NCKAP1: variants seen among roughly 807,000 people sequenced by gnomAD.
The protein encoded by NCKAP1 is nck-associated protein 1.
A neutral mutation model predicts 151.2 loss-of-function variants in NCKAP1; 21 were observed. The observed-to-expected ratio is 0.14, with a 90% CI of 0.10 to 0.20. NCKAP1 has a LOEUF of 0.20. NCKAP1 is among the 10% of genes least tolerant of loss of function. NCKAP1 has a pLI of 1.00. For synonymous variants in NCKAP1, 484 were observed against 451.8 expected, an observed-to-expected ratio of 1.07 and a Z score of -0.90; for missense variants, 933 against 1,352.1, an observed-to-expected ratio of 0.69 and a Z score of 4.86.
rs910543042 is a variant in NCKAP1 at position 182,910,333 on chromosome 2, A to T, written c.*15369T>A. 2 of 152,238 alleles carry T rather than the reference A, an allele frequency of 1.3e-5. No individual in the cohort carries two copies. The highest frequency in any genetic ancestry group is 4.8e-5 in the African/African-American group (2 of 41,446). The allele number at this position is 152,238 out of a possible 1,614,324, so 9.4% of individuals were successfully genotyped here. A position where few individuals can be genotyped will look rare whatever the true frequency, so the allele number is the denominator to read the frequency against. On this transcript the variant is annotated 3_prime_UTR_variant, in exon 31 of 31. Coordinates refer to ENST00000361354, the MANE Select transcript of NCKAP1 (RefSeq NM_013436.5). Reference sequence around the variant, plus strand: ...TTTCTGCATCCAGGCAAATGTACTAAAATTCTTTGAGAGATGAGAGGAAAT... The same window carrying T: ...TTTCTGCATCCAGGCAAATGTACTATAATTCTTTGAGAGATGAGAGGAAAT...
intron 23 of NCKAP1, among the ~76,000 whole-genome samples, chr2:182,944,573 A>C (rs1559075964): frequency 6.6e-6 from 1 of 152,226 alleles, no homozygotes; most frequent in Non-Finnish European, 1.5e-5. Context: ...TTTCACCATA[A>C]GTACACGTAC....
chr2:182,965,601 A>G (rs918004864), intron 16 of NCKAP1, among the ~76,000 whole-genome samples: 1 of 152,248 alleles, frequency 6.6e-6, no homozygotes, highest in Non-Finnish European at 1.5e-5. Context: ...CAGAAGTAGT[A>G]AACATTTCTT....
chr2:182,930,919 CAAAACTA>C (rs1461248981), intron 26 of NCKAP1, 131 bp from the exon 27 acceptor site: 3 of 684,212 alleles, frequency 4.4e-6, no homozygotes, highest in Non-Finnish European at 5.1e-6. Flanking sequence ...GAAACTACAG[CAAAACTA>C]AGTATACTGA....
chr2:182,937,976 T>G (rs1696914888), intron 24 of NCKAP1, among the ~76,000 whole-genome samples: 2 of 152,258 alleles, frequency 1.3e-5, no homozygotes, highest in African/African-American at 4.8e-5. Context: ...TGAAAATATT[T>G]AACACAATGT....
intron 20 of NCKAP1, among the ~76,000 whole-genome samples, chr2:182,953,577 G>A (rs756840628): frequency 2.0e-5 from 3 of 152,196 alleles, no homozygotes; most frequent in Non-Finnish European, 4.4e-5. Flanking sequence ...GAGGCGGGCA[G>A]ATGACTTGAA....
chr2:182,995,677 C>T, intron 7 of NCKAP1, 24 bp downstream of exon 7: 4 of 1,590,164 alleles, frequency 2.5e-6, no homozygotes, highest in Non-Finnish European at 3.4e-6. Context: ...TATTTTCATT[C>T]AAAAGAGAAA....
At chr2:183,028,491 TAC>T (rs988451207) in intron 1 of NCKAP1, among the ~76,000 whole-genome samples, 6 of 152,142 alleles carry the variant, frequency 3.9e-5, no homozygotes. Flanking sequence ...CAGATAAAAT[TAC>T]AGTGATGTTA....
At chr2:182,965,491 C>A (rs1476351930) in intron 16 of NCKAP1, among the ~76,000 whole-genome samples, 1 of 151,872 alleles carries the variant, frequency 6.6e-6, no homozygotes, top group East Asian at 1.9e-4. Flanking sequence ...ACCCAGCCTG[C>A]CAGCAGTTTT....
chr2:183,037,881 C>G (rs902449218), intron 1 of NCKAP1, 111 bp downstream of exon 1: 13 of 807,032 alleles, frequency 1.6e-5, no homozygotes, highest in Non-Finnish European at 2.3e-5. Flanking sequence ...GCGGCGACGC[C>G]GAGATTTCTA....
At chr2:182,964,863 T>C (rs1456574487) in intron 16 of NCKAP1, 55 bp from the exon 17 acceptor site, 2 of 1,374,830 alleles carry the variant, frequency 1.5e-6, no homozygotes, top group African/African-American at 1.5e-5. Context: ...AGTTTTCTGA[T>C]ATAGTACCTT....
intron 9 of NCKAP1, 37 bp from the exon 10 acceptor site, chr2:182,986,264 T>C: frequency 6.6e-7 from 1 of 1,521,894 alleles, no homozygotes; most frequent in South Asian, 1.1e-5. Context: ...TAGTTTAATT[T>C]GATCAATAAC....
Position 182,920,759 on chromosome 2 carries a change from C to A in NCKAP1, c.*4943G>T, listed in dbSNP as rs181390686. On this transcript the variant is annotated 3_prime_UTR_variant, in exon 31 of 31. Coordinates refer to ENST00000361354, the MANE Select transcript of NCKAP1 (RefSeq NM_013436.5). The stretch of plus-strand genomic sequence containing the variant: ...ACCTAATCACCTCCCAAAGGCCCCA[C>A]ATCCTGTCACACTGATGATCAGATT... 1 of 152,228 alleles carries A rather than the reference C, an allele frequency of 6.6e-6. No homozygotes were observed. Among genetic ancestry groups the A allele is most frequent in the East Asian group, 1.9e-4 (1 of 5,172 alleles). 9.4% of individuals were successfully genotyped at this position (152,228 alleles called of 1,614,324 possible).
intron 10 of NCKAP1, among the ~76,000 whole-genome samples, chr2:182,984,767 T>C (rs1698016284): frequency 6.6e-6 from 1 of 152,168 alleles, no homozygotes; most frequent in Admixed American, 6.5e-5. Context: ...ATTTTGATTA[T>C]TTTACTTCAC....
chr2:183,021,191 G>A (rs918050122), intron 2 of NCKAP1, among the ~76,000 whole-genome samples: 1 of 152,114 alleles, frequency 6.6e-6, no homozygotes, highest in Non-Finnish European at 1.5e-5. Flanking sequence ...TCACATAAAT[G>A]TTTATAGCAA....
At chr2:182,971,426 T>G (rs1028504699) in intron 15 of NCKAP1, among the ~76,000 whole-genome samples, 5 of 149,782 alleles carry the variant, frequency 3.3e-5, no homozygotes, top group Non-Finnish European at 1.5e-5. Context: ...AGATATCTCA[T>G]GTTCATGAAT....
rs774120836 is a variant in NCKAP1 at position 183,002,987 on chromosome 2, A to T, written c.356T>A (p.Val119Asp). The T allele has an allele frequency of 6.2e-7, 1 of 1,608,354 alleles. No individual in the cohort carries two copies. The highest frequency in any genetic ancestry group is 8.5e-7 in the Non-Finnish European group (1 of 1,176,202). The change falls in exon 4 of 31, where the codon GTC becomes GAC. Residue 119 changes from valine (V) to aspartate (D), a missense_variant. This residue lies in a region of NCKAP1 where 607 missense variants were observed against 795.0 expected (regional missense o/e 0.76). Coordinates refer to ENST00000361354, the MANE Select transcript of NCKAP1 (RefSeq NM_013436.5). ...AATGATACTTACAATATCAAAGAAG[A>T]CTTGGCAAACGTCAATAGTATTCAG... Reference protein sequence around the residue: ...ELLNTIDVCQVFFDITVNFDL... With the variant: ...ELLNTIDVCQDFFDITVNFDL...
At chr2:183,029,555 C>T (rs369776368) in intron 1 of NCKAP1, among the ~76,000 whole-genome samples, 2 of 151,900 alleles carry the variant, frequency 1.3e-5, no homozygotes, top group Admixed American at 1.3e-4. Context: ...TGCTCAGTAG[C>T]TCACACCTGC....
At chr2:182,977,078 A>G (rs1258321370) in intron 14 of NCKAP1, 127 bp from the exon 15 acceptor site, 8 of 523,562 alleles carry the variant, frequency 1.5e-5, no homozygotes. Context: ...ATTAAAGCCA[A>G]GGTCTTAAAG....
intron 1 of NCKAP1, among the ~76,000 whole-genome samples, chr2:183,026,296 A>T (rs1192119868): frequency 6.6e-6 from 1 of 152,064 alleles, no homozygotes; most frequent in Non-Finnish European, 1.5e-5. Flanking sequence ...CTTGTAGAGA[A>T]GTAAGCTCAG....
Sources: gnomAD v4.1 joint callset for allele counts (sites outside exome capture counted in the v4.1 genomes callset) on GRCh38, gnomAD v4.1.1 for gene constraint, gnomAD v4.1.1 regional missense constraint, MANE v1.5 for transcripts, NCBI Gene and HGNC (gene_info 2026-07-23, HGNC 2026-07-21) for gene names.